GFPT2: variants seen among roughly 807,000 people sequenced by gnomAD.
The protein encoded by GFPT2 is glutamine--fructose-6-phosphate transaminase 2, also known as glutamine--fructose-6-phosphate aminotransferase [isomerizing] 2.
GFPT2 carries 62 observed loss-of-function variants against 85.6 expected under a neutral mutation model. That is an observed-to-expected ratio of 0.72 (90% confidence interval 0.59 to 0.90). The LOEUF is 0.90. Ranked by LOEUF, GFPT2 falls within the 40% of genes least tolerant of loss-of-function variation. The pLI is 0.00. For synonymous variants in GFPT2, 368 were observed against 344.5 expected (o/e 1.07, Z -0.75); for missense variants, 788 against 893.4 (o/e 0.88, Z 1.50).
At chr5:180,307,120 T>A in intron 16 of GFPT2, 56 bp downstream of exon 16, 2 of 1,433,920 alleles carry the variant, frequency 1.4e-6, no homozygotes, top group Non-Finnish European at 1.9e-6. Context: ...CGCTGGCTCC[T>A]CAGGGTCTCC....
chr5:180,346,586 G>A (rs953899555), intron 1 of GFPT2, among the ~76,000 whole-genome samples: 40 of 152,306 alleles, frequency 2.6e-4, no homozygotes, highest in African/African-American at 9.4e-4. Context: ...TCTGGCCTGA[G>A]CCCGCCTTGC....
chr5:180,309,657 T>C (rs2386855), intron 15 of GFPT2, among the ~76,000 whole-genome samples: 47,538 of 151,440 alleles, frequency 0.31, 7,663 homozygotes, highest in East Asian at 0.46. Context: ...GGTGATCCGC[T>C]CGCCTTGGCC....
In GFPT2 at chr5:180,338,553, T is replaced by G. The variant is rs758686642; in HGVS notation, c.55A>C (p.Ile19Leu). 1.2e-6 allele frequency: 2 copies of G among 1,612,830 alleles called. No homozygotes were observed. Among genetic ancestry groups the G allele is most frequent in the East Asian group, 4.5e-5 (2 of 44,868 alleles). ...NYRVPRTRKE[I>L]FETLIKGLQR... ...AGGCCCTTGATGAGGGTTTCGAAGA[T>G]CTCCTTCCTCGTCCGGGGGACTCTG... The change falls in exon 2 of 19, where the codon ATC (isoleucine) becomes CTC (leucine). Residue 19 changes from isoleucine (I) to leucine (L), a missense_variant. Ile to Leu is a conservative substitution (Grantham distance 5). Coordinates refer to ENST00000253778, the MANE Select transcript of GFPT2 (RefSeq NM_005110.4).
Position 180,330,555 on chromosome 5 carries a change from T to G in GFPT2, c.534+145A>C. ...TTAAGGCCAGGCTCTGCAGATGGGCTGTCTTTTATCCCCAGGACTCTGTGC... is the reference window on the plus strand; with the variant it reads ...TTAAGGCCAGGCTCTGCAGATGGGCGGTCTTTTATCCCCAGGACTCTGTGC... On this transcript the variant is annotated intron_variant, in intron 6 of 18. Coordinates refer to ENST00000253778, the MANE Select transcript of GFPT2 (RefSeq NM_005110.4). The surrounding 1 kb of genome is among the most constrained non-coding windows in gnomAD (Gnocchi z 4.4). 4 of 653,742 alleles carry G rather than the reference T, an allele frequency of 6.1e-6. No individual in the cohort carries two copies. The highest frequency in any genetic ancestry group is 1.1e-5 in the Non-Finnish European group (4 of 377,534). 40.5% of individuals were successfully genotyped at this position (653,742 alleles called of 1,614,324 possible).
At chr5:180,345,372 G>A (rs1293846744) in intron 1 of GFPT2, among the ~76,000 whole-genome samples, 1 of 152,252 alleles carries the variant, frequency 6.6e-6, no homozygotes, top group African/African-American at 2.4e-5. Context: ...ACCCATCGGG[G>A]GGCCTCACTG....
intron 15 of GFPT2, among the ~76,000 whole-genome samples, chr5:180,307,865 C>T (rs903210486): frequency 3.3e-5 from 5 of 152,220 alleles, no homozygotes; most frequent in African/African-American, 1.2e-4. Context: ...GTAATCGCCG[C>T]ACTTTGGGAG....
At chr5:180,304,446 G>A (rs900346652) in intron 17 of GFPT2, among the ~76,000 whole-genome samples, 7 of 152,162 alleles carry the variant, frequency 4.6e-5, no homozygotes, top group East Asian at 1.9e-4. Context: ...AGTTCCCATC[G>A]GAGCTGCTTG....
chr5:180,313,307 G>C lies in GFPT2; in HGVS notation c.1431+500C>G, dbSNP rs982423447. Among the ~76,000 whole-genome samples, 4 of 152,010 alleles carry C rather than the reference G, an allele frequency of 2.6e-5. No homozygotes were observed. In the East Asian group the frequency reaches 7.8e-4, roughly 30 times the overall value. Reference sequence around the variant, plus strand: ...ATAAAATGAGACTAAATGAAGATATGGGGGCCGGGCACGGGGGCTCACGCC... The same window carrying C: ...ATAAAATGAGACTAAATGAAGATATCGGGGCCGGGCACGGGGGCTCACGCC... On this transcript the variant is annotated intron_variant, in intron 14 of 18. Transcript: ENST00000253778.
At chr5:180,302,635 T>C (rs775407263) in intron 17 of GFPT2, 51 bp from the exon 18 acceptor site, 15 of 1,418,800 alleles carry the variant, frequency 1.1e-5, no homozygotes, top group Non-Finnish European at 1.3e-5. Flanking sequence ...AAAGAAGCTA[T>C]CCCTGATGCA....
chr5:180,313,726 AGCAG>A, intron 14 of GFPT2, 77 bp downstream of exon 14: 1 of 1,270,398 alleles, frequency 7.9e-7, no homozygotes, highest in Non-Finnish European at 1.1e-6. Flanking sequence ...GCGCGGGCAG[AGCAG>A]GCCGGAGGAG....
At position 180,301,414 on chromosome 5, in the gene GFPT2, T is replaced by C; in HGVS notation, c.*150A>G. The C allele has an allele frequency of 4.2e-6, 3 of 713,686 alleles. No individual in the cohort carries two copies. The highest frequency in any genetic ancestry group is 1.7e-5 in the South Asian group (1 of 59,342). The allele number at this position is 713,686 out of a possible 1,614,324, so 44.2% of individuals were successfully genotyped here. A position where few individuals can be genotyped will look rare whatever the true frequency, so the allele number is the denominator to read the frequency against. ...CAGTATCTGCTGTAAGCAAAAGCACTTGGGTAGAAGGCACGTGGAAGCTGT... is the reference window on the plus strand; with the variant it reads ...CAGTATCTGCTGTAAGCAAAAGCACCTGGGTAGAAGGCACGTGGAAGCTGT... On this transcript the variant is annotated 3_prime_UTR_variant, in exon 19 of 19. Coordinates refer to ENST00000253778, the MANE Select transcript of GFPT2 (RefSeq NM_005110.4).
rs1294874524 is a variant in GFPT2, at chr5:180,313,832, G to C, written c.1406C>G (p.Pro469Arg). 1.3e-6 allele frequency: 2 copies of C among 1,579,922 alleles called. No individual in the cohort carries two copies. ...CTTGGTGCTGGCCACGCCGATCTCC[G>C]GCCCTGCGTTGATGTGGACGCCGCA... The part of the protein sequence containing the change: ...TDCGVHINAG[P>R]EIGVASTKAY... Residue 469 changes from proline (P) to arginine (R), a missense_variant, in exon 14 of 19, where the codon CCG becomes CGG. Coordinates refer to ENST00000253778, the MANE Select transcript of GFPT2 (RefSeq NM_005110.4).
At chr5:180,333,239 CTTTT>C (rs11341578) in intron 4 of GFPT2, among the ~76,000 whole-genome samples, 2 of 148,092 alleles carry the variant, frequency 1.4e-5, no homozygotes, top group African/African-American at 2.5e-5. Flanking sequence ...CTTTTTCTTT[CTTTT>C]TTTTTTTCTG....
At chr5:180,315,261 T>C in intron 13 of GFPT2, among the ~76,000 whole-genome samples, 1 of 151,722 alleles carries the variant, frequency 6.6e-6, no homozygotes. Context: ...CACTGCAAGC[T>C]CCGCCTCCCG....
intron 15 of GFPT2, among the ~76,000 whole-genome samples, chr5:180,309,911 C>T (rs772894271): frequency 4.7e-5 from 7 of 148,996 alleles, no homozygotes; most frequent in East Asian, 4.0e-4. Context: ...CCCAGGTTCA[C>T]GCCATTCTTC....
chr5:180,316,285 G>A (rs1764007589), intron 13 of GFPT2, 56 bp downstream of exon 13: 26 of 1,589,188 alleles, frequency 1.6e-5, no homozygotes, highest in Non-Finnish European at 2.1e-5. Flanking sequence ...AGGAGAAGAG[G>A]AGAGAGCCCA....
chr5:180,352,467 G>A (rs1451364681), intron 1 of GFPT2: 2 of 451,796 alleles, frequency 4.4e-6, no homozygotes, highest in Non-Finnish European at 8.9e-6. Flanking sequence ...CCGGGCCGCG[G>A]CCGCCCTCCC....
Position 180,353,323 on chromosome 5 carries a change from C to CA in GFPT2, c.-107_-106insT. On this transcript the variant is annotated 5_prime_UTR_variant, in exon 1 of 19. Transcript: ENST00000253778. The stretch of plus-strand genomic sequence containing the variant: ...TGGGCTCCGTGGGCTCCGTGGGCTC[C>CA]GCGGGCTCCAGCTCCCGTCCGCTCG... The CA allele has an allele frequency of 1.1e-6, 1 of 874,292 alleles. No individual in the cohort carries two copies. Among genetic ancestry groups the CA allele is most frequent in the Non-Finnish European group, 1.5e-6 (1 of 675,022 alleles). The allele number at this position is 874,292 out of a possible 1,614,324, so 54.2% of individuals were successfully genotyped here.
In GFPT2 at chr5:180,326,913, T is replaced by C. The variant is rs543885489; in HGVS notation, c.596+1364A>G. Among the ~76,000 whole-genome samples the C allele has an allele frequency of 7.9e-5, 12 of 152,316 alleles. No homozygotes were observed. In the South Asian group the frequency reaches 2.3e-3, roughly 29 times the overall value. On this transcript the variant is annotated intron_variant, in intron 7 of 18. Transcript: ENST00000253778. ...TTCACGCTGCCTTCTTCTGAGTTCA[T>C]TTAAAATAGTAAATCATGATAAAAT...
Sources: gnomAD v4.1 joint callset for allele counts (sites outside exome capture counted in the v4.1 genomes callset) on GRCh38, gnomAD v4.1.1 for gene constraint, Gnocchi (gnomAD v3.1) non-coding constraint, MANE v1.5 for transcripts, NCBI Gene and HGNC (gene_info 2026-07-23, HGNC 2026-07-21) for gene names.